The following IL1RAPL2 variants were observed in gnomAD, a reference collection of about 807,000 sequenced individuals.
The protein encoded by IL1RAPL2 is X-linked interleukin-1 receptor accessory protein-like 2.
IL1RAPL2 carries 3 observed loss-of-function variants against 44.1 expected under a neutral mutation model. That is an observed-to-expected ratio of 0.07 (90% CI 0.03 to 0.18). IL1RAPL2 has a LOEUF of 0.18. IL1RAPL2 is among the 10% of genes least tolerant of loss of function. The probability of loss-of-function intolerance (pLI) is 1.00; values close to 1 mark genes in which losing one functional copy is unlikely to be tolerated. For synonymous variants in IL1RAPL2, 181 were observed against 178.8 expected (o/e 1.01, Z -0.10); for missense variants, 391 against 496.4 (o/e 0.79, Z 2.02).
chrX:105,353,366 A>C (rs1351922878), intron 5 of IL1RAPL2, among the ~76,000 whole-genome samples: 1 of 111,511 alleles, frequency 9.0e-6, no homozygotes, highest in Non-Finnish European at 1.9e-5. Flanking sequence ...AGGTAGTGTG[A>C]TGCCTCCAGC....
chrX:104,779,712 A>G (rs1366308416), intron 2 of IL1RAPL2, among the ~76,000 whole-genome samples: 1 of 111,675 alleles, frequency 9.0e-6, no homozygotes, highest in South Asian at 3.7e-4. Flanking sequence ...GTCCAAGATA[A>G]TACAGGAAAA....
intron 2 of IL1RAPL2, among the ~76,000 whole-genome samples, chrX:104,878,796 A>C (rs909069632): frequency 8.9e-6 from 1 of 111,882 alleles, no homozygotes; most frequent in Non-Finnish European, 1.9e-5. Context: ...TAATTCTAAA[A>C]AATATTACTG....
chrX:104,575,068 G>A (rs1371529135), intron 1 of IL1RAPL2, among the ~76,000 whole-genome samples: 1 of 111,482 alleles, frequency 9.0e-6, no homozygotes, highest in African/African-American at 3.2e-5. Flanking sequence ...TATAAGATAA[G>A]CTAGTCAAAG....
chrX:105,221,288 C>G (rs1490108162), intron 3 of IL1RAPL2, among the ~76,000 whole-genome samples: 3 of 110,519 alleles, frequency 2.7e-5, no homozygotes, highest in African/African-American at 9.9e-5. Context: ...AATCTAGATT[C>G]ACATTTCATA....
rs186370600 is a variant in IL1RAPL2 at position 105,692,684 on chromosome X, G to A, written c.773-24683G>A. ...AATGCTGAATGAAAAAAAAAAAAAG[G>A]TGGGAGAGATGGGCAGGATTGAGGT... is the stretch of plus-strand genomic sequence containing the variant. On this transcript the variant is annotated intron_variant, in intron 6 of 10. Coordinates refer to ENST00000372582, the MANE Select transcript of IL1RAPL2 (RefSeq NM_017416.2). 8.3e-4 allele frequency among the ~76,000 whole-genome samples: 90 copies of A among 108,638 alleles called. 1 individual carries two copies. The highest frequency in any genetic ancestry group is 2.3e-3 in the African/African-American group (68 of 29,655). The allele number at this position is 108,638 out of a possible 115,157, so 94.3% of individuals were successfully genotyped here.
At chrX:105,332,413 C>T (rs1457410603) in intron 5 of IL1RAPL2, among the ~76,000 whole-genome samples, 1 of 110,313 alleles carries the variant, frequency 9.1e-6, no homozygotes, top group Non-Finnish European at 1.9e-5. Context: ...TTTCATCTTT[C>T]ATTATTTTAT....
At chrX:104,988,396 T>G (rs1305809226) in intron 2 of IL1RAPL2, among the ~76,000 whole-genome samples, 1 of 112,383 alleles carries the variant, frequency 8.9e-6, no homozygotes, top group Non-Finnish European at 1.9e-5. Flanking sequence ...GTAAATGAAT[T>G]ATGGAACACT....
intron 10 of IL1RAPL2, among the ~76,000 whole-genome samples, chrX:105,757,777 G>A (rs764235308): frequency 2.7e-5 from 3 of 111,519 alleles, no homozygotes; most frequent in Non-Finnish European, 5.6e-5. Flanking sequence ...TCCGATTTGC[G>A]AGTGTAACCT....
At chrX:104,789,535 G>C (rs1447402873) in intron 2 of IL1RAPL2, among the ~76,000 whole-genome samples, 1 of 111,806 alleles carries the variant, frequency 8.9e-6, no homozygotes, top group Non-Finnish European at 1.9e-5. Context: ...ATTTGAAAAT[G>C]GATCACCAAT....
intron 1 of IL1RAPL2, among the ~76,000 whole-genome samples, chrX:104,597,214 T>A (rs1011250937): frequency 9.2e-6 from 1 of 109,165 alleles, no homozygotes; most frequent in Non-Finnish European, 1.9e-5. Context: ...TGTGGCAGTG[T>A]GCACCTGTAG....
chrX:105,250,475 A>G (rs749570747), intron 4 of IL1RAPL2, among the ~76,000 whole-genome samples: 1 of 111,030 alleles, frequency 9.0e-6, no homozygotes, highest in African/African-American at 3.3e-5. Context: ...AGAAAACTTG[A>G]TGTGAGAGTT....
At chrX:104,605,619 A>C in intron 1 of IL1RAPL2, among the ~76,000 whole-genome samples, 1 of 112,082 alleles carries the variant, frequency 8.9e-6, no homozygotes, top group South Asian at 3.7e-4. Context: ...AGATGCAATA[A>C]AGAGTGATAT....
chrX:105,701,021 C>T (rs769398086), intron 6 of IL1RAPL2, among the ~76,000 whole-genome samples: 8 of 111,318 alleles, frequency 7.2e-5, no homozygotes, highest in African/African-American at 1.3e-4. Context: ...TCCTATCTCC[C>T]TTTGGGACTT....
At chrX:105,507,126 G>A (rs974172001) in intron 6 of IL1RAPL2, among the ~76,000 whole-genome samples, 1 of 111,422 alleles carries the variant, frequency 9.0e-6, no homozygotes, top group African/African-American at 3.3e-5. Flanking sequence ...TTGGGCTCTG[G>A]CTATGTTTTA....
At chrX:105,215,085 A>G (rs2033842843) in intron 3 of IL1RAPL2, among the ~76,000 whole-genome samples, 1 of 112,215 alleles carries the variant, frequency 8.9e-6, no homozygotes, top group African/African-American at 3.2e-5. Context: ...TTCAAAAGCT[A>G]GCAGAAGACA....
chrX:104,727,892 T>C lies in IL1RAPL2; in HGVS notation c.82+68897T>C, dbSNP rs751853398. Among the ~76,000 whole-genome samples the C allele has an allele frequency of 5.5e-5, 6 of 109,871 alleles. No individual in the cohort carries two copies. In the East Asian group the frequency reaches 1.1e-3, roughly 21 times the overall value. ...AATACTGCATGTTCTCACTTATAAG[T>C]GTGAGCTAAATAATGTGTATACATG... On this transcript the variant is annotated intron_variant, in intron 2 of 10. Coordinates refer to ENST00000372582, the MANE Select transcript of IL1RAPL2 (RefSeq NM_017416.2).
At chrX:105,154,617 C>A (rs2033254482) in intron 2 of IL1RAPL2, among the ~76,000 whole-genome samples, 1 of 111,215 alleles carries the variant, frequency 9.0e-6, no homozygotes, top group Admixed American at 9.6e-5. Context: ...GTTTTGTTTT[C>A]TCCTTTATTG....
rs1382547927 is a variant in IL1RAPL2, at chrX:105,675,972, G to A, written c.773-41395G>A. 3.6e-5 allele frequency: 4 copies of A among 111,313 alleles called. No individual in the cohort carries two copies. The East Asian group carries it at 8.5e-4, about 24-fold the overall frequency. 9.2% of individuals were successfully genotyped at this position (111,313 alleles called of 1,213,427 possible). A position where few individuals can be genotyped will look rare whatever the true frequency, so the allele number is the denominator to read the frequency against. ...AGATCTATTTGTAGTATTATCTGATGGTTGTTTATATTTCTGTGGATCAGT... is the reference window on the plus strand; with the variant it reads ...AGATCTATTTGTAGTATTATCTGATAGTTGTTTATATTTCTGTGGATCAGT... On this transcript the variant is annotated intron_variant, in intron 6 of 10. Coordinates refer to ENST00000372582, the MANE Select transcript of IL1RAPL2 (RefSeq NM_017416.2).
chrX:104,755,753 C>T (rs1932331066), intron 2 of IL1RAPL2, among the ~76,000 whole-genome samples: 1 of 110,515 alleles, frequency 9.0e-6, no homozygotes, highest in South Asian at 3.8e-4. Flanking sequence ...CCAAAACTGC[C>T]CCAGTAGGAC....
Sources: allele counts gnomAD v4.1 joint callset (sites outside exome capture counted in the v4.1 genomes callset), GRCh38; gene constraint gnomAD v4.1.1; transcripts MANE v1.5; gene names NCBI Gene and HGNC (gene_info 2026-07-23, HGNC 2026-07-21).